Variants in LYVE1 observed in about 807,000 individuals in gnomAD.
LYVE1 encodes lymphatic vessel endothelial hyaluronic acid receptor 1.
A neutral mutation model predicts 31.5 loss-of-function variants in LYVE1; 29 were observed. The observed-to-expected ratio is 0.92, with a 90% CI of 0.69 to 1.26. The LOEUF (loss-of-function observed/expected upper bound fraction) is 1.26. LYVE1 is among the 50% of genes most tolerant of loss of function. The pLI is 0.00. For missense variants in LYVE1, 376 were observed against 380.2 expected (o/e 0.99, Z 0.09); for synonymous variants, 134 against 139.4 (o/e 0.96, Z 0.27).
chr11:10,558,202 T>G lies in LYVE1; in HGVS notation c.*909A>C, dbSNP rs1030344941. 3.3e-5 allele frequency: 5 copies of G among 152,192 alleles called. No homozygotes were observed. Among genetic ancestry groups the G allele is most frequent in the African/African-American group, 1.2e-4 (5 of 41,448 alleles). The allele number at this position is 152,192 out of a possible 1,614,324, so 9.4% of individuals were successfully genotyped here. The stretch of plus-strand genomic sequence containing the variant: ...TGAGGAATAATATTCAATTACAGAG[T>G]GTAATACCTTGCACAGCACTTGACA... On this transcript the variant is annotated 3_prime_UTR_variant, in exon 6 of 6. Transcript: ENST00000256178.
chr11:10,564,312 G>T lies in LYVE1; in HGVS notation c.148C>A (p.Gln50Lys). The part of the protein sequence containing the change: ...GITLVSKKAN[Q>K]QLNFTEAKEA... Reference sequence around the variant, plus strand: ...TTAGCTTCTGTGAAATTCAGCTGCTGGTTCGCCTTTTTGCTCACAAGGGTG... The same window carrying T: ...TTAGCTTCTGTGAAATTCAGCTGCTTGTTCGCCTTTTTGCTCACAAGGGTG... Residue 50 changes from glutamine to lysine, a missense_variant, in exon 2 of 6, where the codon CAG becomes AAG. Gln to Lys is a moderately conservative substitution (Grantham distance 53, BLOSUM62 1). Transcript: ENST00000256178. 1 of 1,614,150 alleles carries T rather than the reference G, an allele frequency of 6.2e-7. No homozygotes were observed. Among genetic ancestry groups the T allele is most frequent in the Non-Finnish European group, 8.5e-7 (1 of 1,180,024 alleles).
chr11:10,559,745 G>C, intron 5 of LYVE1, 71 bp downstream of exon 5: 6 of 1,386,892 alleles, frequency 4.3e-6, no homozygotes, highest in Non-Finnish European at 6.1e-6. Flanking sequence ...AATGCCAACA[G>C]TGACCCTGAA....
intron 1 of LYVE1, among the ~76,000 whole-genome samples, chr11:10,565,553 T>C (rs1850519182): frequency 6.6e-6 from 1 of 152,244 alleles, no homozygotes; most frequent in Non-Finnish European, 1.5e-5. Flanking sequence ...TGGAAGTTTC[T>C]TTTTGAAAAC....
chr11:10,564,588 G>C (rs73411994), intron 1 of LYVE1, among the ~76,000 whole-genome samples: 1 of 152,166 alleles, frequency 6.6e-6, no homozygotes, highest in African/African-American at 2.4e-5. Flanking sequence ...TGTAAATGTC[G>C]CCCAATCAAA....
At position 10,558,993 on chromosome 11, in the gene LYVE1, G is replaced by A; in HGVS notation, c.*118C>T. On this transcript the variant is annotated 3_prime_UTR_variant, in exon 6 of 6. Transcript: ENST00000256178. ...GGCAGTCCTGAGCTGATTCCAGTTA[G>A]GAACCAAGGGTGGACTTTCTTCTTT... is the stretch of plus-strand genomic sequence containing the variant. 3 of 911,302 alleles carry A rather than the reference G, an allele frequency of 3.3e-6. No homozygotes were observed. Among genetic ancestry groups the A allele is most frequent in the Non-Finnish European group, 5.1e-6 (3 of 586,240 alleles). 56.5% of individuals were successfully genotyped at this position (911,302 alleles called of 1,614,324 possible).
In LYVE1 at chr11:10,564,240, C is replaced by G; in HGVS notation, c.220G>C (p.Val74Leu). 1 of 1,614,200 alleles carries G rather than the reference C, an allele frequency of 6.2e-7. No homozygotes were observed. Among genetic ancestry groups the G allele is most frequent in the Non-Finnish European group, 8.5e-7 (1 of 1,180,002 alleles). ...AAGCTAGCTTTCAAGGCTGTTTCAA[C>G]TTGGTCCTTGCCGGCCAAACTTAGT... is the stretch of plus-strand genomic sequence containing the variant. ...LGLSLAGKDQ[V>L]ETALKASFET... Residue 74 changes from valine (V) to leucine (L), a missense_variant, in exon 2 of 6, where the codon GTT becomes CTT. Transcript: ENST00000256178.
intron 1 of LYVE1, among the ~76,000 whole-genome samples, chr11:10,567,210 C>T (rs545326200): frequency 6.6e-6 from 1 of 152,264 alleles, no homozygotes; most frequent in Admixed American, 6.5e-5. Flanking sequence ...ATATACTTGG[C>T]CCTCAAATAT....
chr11:10,568,440 A>G lies in LYVE1; in HGVS notation c.85+8T>C. 1 of 1,613,598 alleles carries G rather than the reference A, an allele frequency of 6.2e-7. No homozygotes were observed. ...TGCTTCAGTTTGGAAATCTGGTGAG[A>G]AACCTACCTTCTGCACGCAAAGAGC... On this transcript the variant is annotated splice_region_variant and intron_variant, in intron 1 of 5. Transcript: ENST00000256178.
At position 10,568,478 on chromosome 11, in the gene LYVE1, G is replaced by A; in HGVS notation, c.55C>T (p.Leu19Phe). The change falls in exon 1 of 6, where the codon CTC becomes TTC. Residue 19 changes from leucine (L) to phenylalanine (F), a missense_variant. Transcript: ENST00000256178. ...GCACGCAAAGAGCCTTGGACCAGGA[G>A]CCTCGTGGTCCAGATGGAAGTGAGA... The part of the protein sequence containing the change: ...LLLTSIWTTR[L>F]LVQGSLRAEE... 6.2e-7 allele frequency: 1 copy of A among 1,614,062 alleles called. No individual in the cohort carries two copies. Among genetic ancestry groups the A allele is most frequent in the Non-Finnish European group, 8.5e-7 (1 of 1,179,930 alleles).
chr11:10,563,747 A>G (rs1203137478), intron 3 of LYVE1, among the ~76,000 whole-genome samples, 193 bp downstream of exon 3: 1 of 152,140 alleles, frequency 6.6e-6, no homozygotes, highest in African/African-American at 2.4e-5. Flanking sequence ...CCATTCAGTT[A>G]TATCTCTCCT....
Position 10,564,307 on chromosome 11 carries a change from C to T in LYVE1, c.153G>A (p.Gln51=), listed in dbSNP as rs1850491935. ...ITLVSKKANQ[Q]LNFTEAKEAC... ...CCTCCTTAGCTTCTGTGAAATTCAG[C>T]TGCTGGTTCGCCTTTTTGCTCACAA... Residue 51 remains glutamine, a synonymous_variant, in exon 2 of 6, where the codon CAG becomes CAA. Coordinates refer to ENST00000256178, the MANE Select transcript of LYVE1 (RefSeq NM_006691.4). The T allele has an allele frequency of 6.2e-7, 1 of 1,614,200 alleles. No homozygotes were observed. The highest frequency in any genetic ancestry group is 2.2e-5 in the East Asian group (1 of 44,890).
intron 3 of LYVE1, among the ~76,000 whole-genome samples, 159 bp from the exon 4 acceptor site, chr11:10,560,959 G>T (rs1850413081): frequency 6.6e-6 from 1 of 152,198 alleles, no homozygotes; most frequent in Non-Finnish European, 1.5e-5. Context: ...GAAGCCTTCA[G>T]TGGCTATCTT....
intron 3 of LYVE1, among the ~76,000 whole-genome samples, chr11:10,562,191 G>A (rs1850440801): frequency 5.3e-5 from 8 of 152,212 alleles, no homozygotes; most frequent in Admixed American, 5.2e-4. Flanking sequence ...TGGCTATGAG[G>A]TATGCAGGCA....
chr11:10,559,974 G>C (rs916560864), intron 4 of LYVE1, 80 bp from the exon 5 acceptor site: 13 of 1,037,640 alleles, frequency 1.3e-5, no homozygotes, highest in Admixed American at 1.1e-4. Flanking sequence ...CCAGGTGATT[G>C]AGACAGTAGA....
At chr11:10,567,308 A>C (rs1354887099) in intron 1 of LYVE1, among the ~76,000 whole-genome samples, 4 of 152,088 alleles carry the variant, frequency 2.6e-5, no homozygotes, top group Non-Finnish European at 5.9e-5. Flanking sequence ...CAAAAATGTA[A>C]TTTCCCTAGA....
intron 1 of LYVE1, among the ~76,000 whole-genome samples, chr11:10,566,858 C>T (rs1298801591): frequency 3.9e-5 from 6 of 152,086 alleles, no homozygotes; most frequent in Non-Finnish European, 7.4e-5. Context: ...CTAGCAGAGG[C>T]GGGGCCCAGT....
chr11:10,560,512 T>C lies in LYVE1; in HGVS notation c.686A>G (p.Glu229Gly), dbSNP rs756257871. Residue 229 changes from glutamate to glycine, a missense_variant, in exon 4 of 6, where the codon GAA becomes GGA. By Grantham distance (98) the Glu-to-Gly change is moderately conservative. Transcript: ENST00000256178. Reference protein sequence around the residue: ...FVENKAAFKNEAAGFGGVPTA... With the variant: ...FVENKAAFKNGAAGFGGVPTA... ...CCATTTACCTCCAAACCCAGCAGCT[T>C]CATTCTTGAATGCTGCTTTATTTTC... 2 of 1,608,752 alleles carry C rather than the reference T, an allele frequency of 1.2e-6. No homozygotes were observed. The highest frequency in any genetic ancestry group is 2.2e-5 in the South Asian group (2 of 90,508).
At position 10,564,279 on chromosome 11, in the gene LYVE1, AG is replaced by A. The variant is rs1850491288; in HGVS notation, c.180del (p.Cys61ValfsTer6). The A allele has an allele frequency of 1.1e-5, 17 of 1,614,240 alleles. No individual in the cohort carries two copies. The highest frequency in any genetic ancestry group is 1.4e-5 in the Non-Finnish European group (17 of 1,180,032). On this transcript the variant is annotated frameshift_variant, in exon 2 of 6. Coordinates refer to ENST00000256178, the MANE Select transcript of LYVE1 (RefSeq NM_006691.4). LOFTEE classifies it high-confidence loss of function. ...GCCAAACTTAGTCCCAGCAGCCTAC[AG>A]GCCTCCTTAGCTTCTGTGAAATTCA... ...QQLNFTEAKE[A>X]CRLLGLSLAG...
chr11:10,563,087 G>C (rs897851367), intron 3 of LYVE1, among the ~76,000 whole-genome samples: 1 of 151,266 alleles, frequency 6.6e-6, no homozygotes, highest in African/African-American at 2.4e-5. Flanking sequence ...CCGAGTAGCT[G>C]GGACTACAGG....
Sources: allele counts gnomAD v4.1 joint callset (sites outside exome capture counted in the v4.1 genomes callset), GRCh38; gene constraint gnomAD v4.1.1; transcripts MANE v1.5; gene names NCBI Gene and HGNC (gene_info 2026-07-23, HGNC 2026-07-21).